Variants in KIAA1586 observed in about 807,000 individuals in gnomAD.
KIAA1586 encodes the protein E3 SUMO-protein ligase KIAA1586.
Under a neutral mutation model 6.1 loss-of-function variants are expected in KIAA1586, and 5 were observed. The observed-to-expected ratio is 0.82, with a 90% CI of 0.43 to 1.73. The LOEUF is 1.73. Ranked by LOEUF, KIAA1586 falls within the 40% of genes most tolerant of loss-of-function variation. The probability of loss-of-function intolerance (pLI) is 0.02; values close to 1 mark genes in which losing one functional copy is unlikely to be tolerated. For missense variants in KIAA1586, 899 were observed against 878.2 expected, an observed-to-expected ratio of 1.02 and a Z score of -0.30; for synonymous variants, 280 against 301.7, an observed-to-expected ratio of 0.93 and a Z score of 0.75.
intron 3 of KIAA1586, among the ~76,000 whole-genome samples, chr6:57,052,438 T>G (rs898137810): frequency 1.3e-5 from 2 of 152,276 alleles, no homozygotes; most frequent in South Asian, 4.1e-4. Context: ...ACCAACCATT[T>G]TGCTAATTGG....
chr6:57,056,958 G>T (rs576580625), downstream of KIAA1586, among the ~76,000 whole-genome samples: 2 of 152,250 alleles, frequency 1.3e-5, no homozygotes, highest in South Asian at 4.1e-4. Flanking sequence ...GCTGGGTGCT[G>T]TGGCTCATGC....
chr6:57,059,071 C>A (rs548136999), downstream of KIAA1586, among the ~76,000 whole-genome samples: 13 of 152,172 alleles, frequency 8.5e-5, no homozygotes, highest in Admixed American at 5.9e-4. Context: ...ACTTTGTCAT[C>A]TGTGAATTTT....
rs566827010 is a variant in KIAA1586, at chr6:57,046,917, G to T, written c.21+141G>T. 2.0e-5 allele frequency: 24 copies of T among 1,173,064 alleles called. No individual in the cohort carries two copies. In the South Asian group the frequency reaches 3.1e-4, roughly 15 times the overall value. The allele number at this position is 1,173,064 out of a possible 1,614,324, so 72.7% of individuals were successfully genotyped here. On this transcript the variant is annotated intron_variant, in intron 1 of 3. Transcript: ENST00000370733. ...GTCTTGGGCCGAGCCCAGCTCTGGG[G>T]CCTGGTGCGTGTCTGAGCGAGGAAC...
chr6:57,059,748 C>T (rs186926039), downstream of KIAA1586, among the ~76,000 whole-genome samples: 6 of 152,304 alleles, frequency 3.9e-5, no homozygotes, highest in East Asian at 1.2e-3. Context: ...ATCAGTTTCA[C>T]ATTGTTGTTC....
Position 57,050,764 on chromosome 6 carries a change from TC to T in KIAA1586, c.106-8del. The T allele has an allele frequency of 6.2e-7, 1 of 1,601,856 alleles. No homozygotes were observed. The highest frequency in any genetic ancestry group is 8.5e-7 in the Non-Finnish European group (1 of 1,171,820). On this transcript the variant is annotated splice_polypyrimidine_tract_variant and intron_variant, in intron 2 of 3. Transcript: ENST00000370733. ...TTCATGACTTGTAAATTTGCCCACTTCCTTTTTAGGAAGGACCATCGAGACC... is the reference window on the plus strand; with the variant it reads ...TTCATGACTTGTAAATTTGCCCACTTCTTTTTAGGAAGGACCATCGAGACC...
the KIAA1586 span, among the ~76,000 whole-genome samples, chr6:57,061,494 G>A: frequency 6.6e-6 from 1 of 152,160 alleles, no homozygotes; most frequent in East Asian, 1.9e-4. Context: ...CCAGACTTGG[G>A]CAGTCCTCCT....
the KIAA1586 span, among the ~76,000 whole-genome samples, chr6:57,065,417 C>T: frequency 6.6e-6 from 1 of 151,840 alleles, no homozygotes; most frequent in African/African-American, 2.4e-5. Flanking sequence ...TCATGCCATA[C>T]TCCTCGAGGC....
chr6:57,057,912 AG>A (rs1003277935), downstream of KIAA1586, among the ~76,000 whole-genome samples: 3 of 152,070 alleles, frequency 2.0e-5, no homozygotes, highest in Non-Finnish European at 2.9e-5. Context: ...CTCCCACCTC[AG>A]CTTCCCAAGT....
At chr6:57,057,918 C>G (rs1263924468), downstream of KIAA1586, among the ~76,000 whole-genome samples, 1 of 151,964 alleles carries the variant, frequency 6.6e-6, no homozygotes, top group Non-Finnish European at 1.5e-5. Flanking sequence ...CCTCAGCTTC[C>G]CAAGTAGTAG....
downstream of KIAA1586, among the ~76,000 whole-genome samples, chr6:57,059,235 AT>A (rs1229936905): frequency 6.6e-6 from 1 of 152,032 alleles, no homozygotes; most frequent in African/African-American, 2.4e-5. Context: ...TATGTTATAA[AT>A]TGATAAATAT....
At chr6:57,063,277 C>A in the KIAA1586 span, among the ~76,000 whole-genome samples, 7 of 151,722 alleles carry the variant, frequency 4.6e-5, no homozygotes, top group Non-Finnish European at 1.0e-4. Context: ...ATGATAGAAT[C>A]GTGGATAATT....
chr6:57,052,010 G>A (rs556143529), intron 3 of KIAA1586, among the ~76,000 whole-genome samples: 77 of 152,222 alleles, frequency 5.1e-4, no homozygotes, highest in Non-Finnish European at 7.5e-4. Flanking sequence ...TCATTAGTTC[G>A]GAAAGATGTT....
chr6:57,065,706 T>C, the KIAA1586 span, among the ~76,000 whole-genome samples: 1 of 152,176 alleles, frequency 6.6e-6, no homozygotes, highest in Non-Finnish European at 1.5e-5. Context: ...AGGCTGGTTG[T>C]GCATCTTTTT....
At chr6:57,049,005 T>C (rs747134221) in intron 2 of KIAA1586, among the ~76,000 whole-genome samples, 5 of 151,804 alleles carry the variant, frequency 3.3e-5, no homozygotes, top group Non-Finnish European at 5.9e-5. Context: ...ATTTTAAATA[T>C]AAAGATCCTT....
At chr6:57,056,717 T>G (rs1828504925), downstream of KIAA1586, among the ~76,000 whole-genome samples, 1 of 151,700 alleles carries the variant, frequency 6.6e-6, no homozygotes, top group African/African-American at 2.4e-5. Context: ...TTATATCTTT[T>G]TGTAGAGATG....
chr6:57,057,646 C>T (rs1828517578), downstream of KIAA1586, among the ~76,000 whole-genome samples: 1 of 151,876 alleles, frequency 6.6e-6, no homozygotes, highest in Admixed American at 6.6e-5. Context: ...CCCAGCTACT[C>T]AGGAGGCTGA....
In KIAA1586 at chr6:57,053,095, G is replaced by A. The variant is rs771435216; in HGVS notation, c.596G>A (p.Arg199Lys). 6.2e-7 allele frequency: 1 copy of A among 1,610,294 alleles called. No homozygotes were observed. The highest frequency in any genetic ancestry group is 8.5e-7 in the Non-Finnish European group (1 of 1,178,958). The change falls in exon 4 of 4, where the codon AGG (arginine) becomes AAG (lysine). Residue 199 changes from arginine to lysine, a missense_variant. Physicochemically the swap from Arg to Lys is conservative, Grantham distance 26. Coordinates refer to ENST00000370733, the MANE Select transcript of KIAA1586 (RefSeq NM_020931.4). ...CCTAATGGCAGTAATAAAACTACTA[G>A]GCAAGCTTCTCTACGAAAAAAAATT... ...VTPNGSNKTTRQASLRKKIRE... is the reference protein window; with the variant it reads ...VTPNGSNKTTKQASLRKKIRE...
At chr6:57,055,464 CTT>C (rs1828484013), downstream of KIAA1586, among the ~76,000 whole-genome samples, 1 of 151,794 alleles carries the variant, frequency 6.6e-6, no homozygotes, top group South Asian at 2.1e-4. Context: ...GCCTGTCAAA[CTT>C]GTGTGTCATT....
At chr6:57,052,049 A>G (rs1017934422) in intron 3 of KIAA1586, among the ~76,000 whole-genome samples, 2 of 152,198 alleles carry the variant, frequency 1.3e-5, no homozygotes, top group Non-Finnish European at 1.5e-5. Flanking sequence ...GCGAAACTCT[A>G]ATATATGTCT....
Sources: gnomAD v4.1 joint callset for allele counts (sites outside exome capture counted in the v4.1 genomes callset) on GRCh38, gnomAD v4.1.1 for gene constraint, MANE v1.5 for transcripts, NCBI Gene and HGNC (gene_info 2026-07-23, HGNC 2026-07-21) for gene names.